Variants in SERHL2 observed in about 807,000 individuals in gnomAD.
SERHL2 encodes the protein serine hydrolase-like protein 2.
In SERHL2, 29 loss-of-function variants were observed where a neutral mutation model predicts 25.5. The ratio of observed to expected loss-of-function variants is 1.14; its 90% CI spans 0.85 to 1.55. The LOEUF (loss-of-function observed/expected upper bound fraction) is 1.55. Among genes scored for constraint, SERHL2 ranks in the 40% most tolerant of loss-of-function variants. The probability of loss-of-function intolerance (pLI) is 0.00; values close to 1 mark genes in which losing one functional copy is unlikely to be tolerated. For synonymous variants in SERHL2, 95 were observed against 103.5 expected, an observed-to-expected ratio of 0.92 and a Z score of 0.50; for missense variants, 240 against 252.3, an observed-to-expected ratio of 0.95 and a Z score of 0.33.
At chr22:42,567,826 G>T (rs547079351) in intron 9 of SERHL2, among the ~76,000 whole-genome samples, 52 of 151,670 alleles carry the variant, frequency 3.4e-4, no homozygotes, top group African/African-American at 1.2e-3. Flanking sequence ...TGCCTCCCAG[G>T]TTCGAGTGAT....
rs1209867391 is a variant in SERHL2 at position 42,554,039 on chromosome 22, C to G, written c.19C>G (p.Pro7Ala). The change falls in exon 1 of 12, where the codon CCA (proline) becomes GCA (alanine). Residue 7 changes from proline to alanine, a missense_variant. By Grantham distance (27) the Pro-to-Ala change is conservative. Transcript: ENST00000327678. MSENAA[P>A]GLISELKLAV... Reference sequence around the variant, plus strand: ...GAGAGCGATGAGTGAGAACGCCGCACCAGGTCTGACGGGGAGGCCTTGTGC... The same window carrying G: ...GAGAGCGATGAGTGAGAACGCCGCAGCAGGTCTGACGGGGAGGCCTTGTGC... 3 of 1,613,466 alleles carry G rather than the reference C, an allele frequency of 1.9e-6. No homozygotes were observed. Among genetic ancestry groups the G allele is most frequent in the Non-Finnish European group, 2.5e-6 (3 of 1,179,780 alleles).
intron 8 of SERHL2, among the ~76,000 whole-genome samples, chr22:42,563,162 T>A (rs563916047): frequency 4.0e-5 from 6 of 151,534 alleles, no homozygotes; most frequent in East Asian, 1.9e-4. Context: ...CACTGCACTC[T>A]AGCAAGACCC....
At position 42,573,826 on chromosome 22, in the gene SERHL2, C is replaced by T. The variant is rs1569287261; in HGVS notation, c.826-110C>T. Reference sequence around the variant, plus strand: ...GGGGAAACTCACTGTGGGAGGCGCTCCTGACCTGCAGGGAGCTGGAATGCT... The same window carrying T: ...GGGGAAACTCACTGTGGGAGGCGCTTCTGACCTGCAGGGAGCTGGAATGCT... On this transcript the variant is annotated intron_variant, in intron 11 of 11. Transcript: ENST00000327678. 33 of 1,022,328 alleles carry T rather than the reference C, an allele frequency of 3.2e-5. No individual in the cohort carries two copies. The South Asian group carries it at 4.9e-4, about 15-fold the overall frequency. 63.3% of individuals were successfully genotyped at this position (1,022,328 alleles called of 1,614,324 possible). A position where few individuals can be genotyped will look rare whatever the true frequency, so the allele number is the denominator to read the frequency against.
At chr22:42,570,383 A>T (rs1201399519) in intron 9 of SERHL2, among the ~76,000 whole-genome samples, 1 of 152,038 alleles carries the variant, frequency 6.6e-6, no homozygotes, top group Non-Finnish European at 1.5e-5. Context: ...GCGCCATTGC[A>T]TTCCAGCCCG....
intron 9 of SERHL2, among the ~76,000 whole-genome samples, chr22:42,568,427 G>A (rs1251091046): frequency 2.0e-5 from 3 of 151,700 alleles, no homozygotes; most frequent in Non-Finnish European, 2.9e-5. Context: ...GCTGACCTTC[G>A]TGGTAGGAAT....
At chr22:42,569,569 T>C (rs971992609) in intron 9 of SERHL2, 13 of 151,926 alleles carry the variant, frequency 8.6e-5, no homozygotes, top group African/African-American at 3.1e-4. Context: ...CTAATTTTCA[T>C]ATTTTTAGTA....
At chr22:42,561,094 AGAT>A (rs1378849418) in intron 8 of SERHL2, among the ~76,000 whole-genome samples, 1 of 151,980 alleles carries the variant, frequency 6.6e-6, no homozygotes, top group East Asian at 1.9e-4. Context: ...GAAGAGAAGC[AGAT>A]GATACACAGG....
intron 8 of SERHL2, among the ~76,000 whole-genome samples, chr22:42,562,485 T>C (rs955793965): frequency 6.6e-6 from 1 of 151,574 alleles, no homozygotes; most frequent in African/African-American, 2.4e-5. Flanking sequence ...CCCGTTGGCT[T>C]GTGTGTGAGG....
chr22:42,562,140 T>G (rs1922760567), intron 8 of SERHL2, among the ~76,000 whole-genome samples: 1 of 151,676 alleles, frequency 6.6e-6, no homozygotes, highest in Admixed American at 6.6e-5. Context: ...AGTTGTGGCC[T>G]TTTGGGACCC....
chr22:42,570,464 A>C (rs889770114), intron 9 of SERHL2, among the ~76,000 whole-genome samples: 10 of 152,128 alleles, frequency 6.6e-5, no homozygotes, highest in Non-Finnish European at 1.0e-4. Flanking sequence ...TAACATCCAC[A>C]ATGTGATTCA....
chr22:42,559,253 AAAATT>A (rs1922366611), intron 7 of SERHL2, among the ~76,000 whole-genome samples: 1 of 146,990 alleles, frequency 6.8e-6, no homozygotes, highest in Non-Finnish European at 1.5e-5. Flanking sequence ...AAAAAAAAAA[AAAATT>A]AGCTGGTCGT....
rs1478646042 is a variant in SERHL2 at position 42,554,046 on chromosome 22, T to A, written c.22+4T>A. The A allele has an allele frequency of 2.5e-6, 4 of 1,613,498 alleles. No individual in the cohort carries two copies. The highest frequency in any genetic ancestry group is 3.4e-6 in the Non-Finnish European group (4 of 1,179,726). On this transcript the variant is annotated splice_donor_region_variant and intron_variant, in intron 1 of 11. Transcript: ENST00000327678. ...ATGAGTGAGAACGCCGCACCAGGTC[T>A]GACGGGGAGGCCTTGTGCGAGCGTC...
intron 1 of SERHL2, among the ~76,000 whole-genome samples, chr22:42,554,590 C>A (rs1199882203): frequency 1.3e-5 from 2 of 152,162 alleles, no homozygotes; most frequent in African/African-American, 4.8e-5. Flanking sequence ...AGGCTCAAGA[C>A]GTTTTAGTAA....
intron 10 of SERHL2, 58 bp downstream of exon 10, chr22:42,571,261 C>T: frequency 6.2e-7 from 1 of 1,606,398 alleles, no homozygotes; most frequent in Non-Finnish European, 8.5e-7. Context: ...CGCCAGGAAT[C>T]TCCGGGAGGG....
At chr22:42,567,404 C>T (rs1030613463) in intron 9 of SERHL2, among the ~76,000 whole-genome samples, 5 of 151,868 alleles carry the variant, frequency 3.3e-5, no homozygotes, top group African/African-American at 1.2e-4. Context: ...GTGGCTCACG[C>T]CTGTAGTCCC....
At chr22:42,568,106 T>C (rs142455336) in intron 9 of SERHL2, among the ~76,000 whole-genome samples, 2,320 of 151,902 alleles carry the variant, frequency 0.015, 42 homozygotes, top group African/African-American at 0.044. Flanking sequence ...CTCACACAGC[T>C]TCAACCTCCT....
At chr22:42,554,178 C>A in intron 1 of SERHL2, 136 bp downstream of exon 1, 2 of 1,128,054 alleles carry the variant, frequency 1.8e-6, no homozygotes, top group Non-Finnish European at 2.6e-6. Flanking sequence ...CTCGGCAGTC[C>A]CGGGGCATGA....
At chr22:42,568,215 G>A (rs71186505) in intron 9 of SERHL2, among the ~76,000 whole-genome samples, 1 of 147,076 alleles carries the variant, frequency 6.8e-6, no homozygotes. Flanking sequence ...TAGAGACAGG[G>A]TCTTGCCATG....
At chr22:42,566,422 G>GCCACCACGCC in intron 9 of SERHL2, 84 bp downstream of exon 9, 3 of 1,349,968 alleles carry the variant, frequency 2.2e-6, no homozygotes, top group Non-Finnish European at 2.1e-6. Flanking sequence ...GCCAGGCGTG[G>GCCACCACGCC]TGGCTCACGC....
Sources: gnomAD v4.1 joint callset for allele counts (sites outside exome capture counted in the v4.1 genomes callset) on GRCh38, gnomAD v4.1.1 for gene constraint, MANE v1.5 for transcripts, NCBI Gene and HGNC (gene_info 2026-07-23, HGNC 2026-07-21) for gene names.